The following ROBO2 variants were observed in gnomAD, a reference collection of about 807,000 sequenced individuals.
The protein encoded by ROBO2 is roundabout guidance receptor 2.
ROBO2 carries 53 observed loss-of-function variants against 160.8 expected under a neutral mutation model. That is an observed-to-expected ratio of 0.33 (90% CI 0.26 to 0.41). The LOEUF (loss-of-function observed/expected upper bound fraction) is 0.41, where lower values mean the gene tolerates loss of function less well. Among genes scored for constraint, ROBO2 ranks in the 10% least tolerant of loss-of-function variants. ROBO2 has a pLI of 1.00. For missense variants in ROBO2, 1,577 were observed against 1,722.4 expected, an observed-to-expected ratio of 0.92 and a Z score of 1.49; for synonymous variants, 664 against 611.7, an observed-to-expected ratio of 1.09 and a Z score of -1.26.
At chr3:77,347,576 T>C (rs2067805467) in intron 2 of ROBO2, among the ~76,000 whole-genome samples, 1 of 152,092 alleles carries the variant, frequency 6.6e-6, no homozygotes, top group South Asian at 2.1e-4. Context: ...TTAAGCCACG[T>C]CTAAAATTCA....
intron 2 of ROBO2, among the ~76,000 whole-genome samples, chr3:76,428,337 T>C (rs2108993373): frequency 6.6e-6 from 1 of 152,318 alleles, no homozygotes; most frequent in East Asian, 1.9e-4. Flanking sequence ...TGGATCATTA[T>C]ATTGTATATT....
chr3:77,469,381 A>T (rs1175176212), intron 2 of ROBO2, among the ~76,000 whole-genome samples: 2 of 151,648 alleles, frequency 1.3e-5, no homozygotes, highest in Admixed American at 1.3e-4. Context: ...CCAGGAAGAG[A>T]TAGGGTGCTT....
intron 2 of ROBO2, among the ~76,000 whole-genome samples, chr3:75,964,180 A>G (rs1448161486): frequency 1.3e-5 from 2 of 151,706 alleles, no homozygotes; most frequent in Non-Finnish European, 2.9e-5. Flanking sequence ...ATTTTAACGT[A>G]TAAGAGATGT....
chr3:76,909,092 C>A (rs963401752), intron 2 of ROBO2, among the ~76,000 whole-genome samples: 1 of 151,980 alleles, frequency 6.6e-6, no homozygotes, highest in East Asian at 1.9e-4. Flanking sequence ...GGCTTAGTGG[C>A]GCACACAGCC....
intron 2 of ROBO2, among the ~76,000 whole-genome samples, chr3:77,392,602 T>G (rs550405833): frequency 6.6e-6 from 1 of 152,348 alleles, no homozygotes; most frequent in South Asian, 2.1e-4. Flanking sequence ...TACACTTTTT[T>G]AATCACTTGC....
At chr3:76,163,059 T>G (rs1439383026) in intron 2 of ROBO2, among the ~76,000 whole-genome samples, 1 of 152,120 alleles carries the variant, frequency 6.6e-6, no homozygotes, top group Non-Finnish European at 1.5e-5. Flanking sequence ...AAATCTCCCA[T>G]TAGTCTAAAA....
At chr3:76,728,768 G>T (rs2093590033) in intron 2 of ROBO2, among the ~76,000 whole-genome samples, 2 of 152,222 alleles carry the variant, frequency 1.3e-5, no homozygotes, top group Non-Finnish European at 2.9e-5. Flanking sequence ...TAATTCGACA[G>T]TAAAATATGC....
At chr3:76,672,257 A>T (rs1249487953) in intron 2 of ROBO2, among the ~76,000 whole-genome samples, 1 of 152,026 alleles carries the variant, frequency 6.6e-6, no homozygotes, top group Non-Finnish European at 1.5e-5. Context: ...GGACAAAGGG[A>T]GGATTCTAGC....
chr3:77,442,533 T>G (rs2080058982), intron 2 of ROBO2, among the ~76,000 whole-genome samples: 1 of 152,204 alleles, frequency 6.6e-6, no homozygotes, highest in African/African-American at 2.4e-5. Context: ...ATACTATGAA[T>G]GTAAATGTCT....
intron 2 of ROBO2, among the ~76,000 whole-genome samples, chr3:76,242,206 T>G (rs781428323): frequency 2.0e-5 from 3 of 152,170 alleles, no homozygotes; most frequent in Non-Finnish European, 4.4e-5. Context: ...GCAGTTGTTG[T>G]GCGGCCCTGT....
At chr3:77,637,614 T>TA (rs2095286182) in intron 24 of ROBO2, among the ~76,000 whole-genome samples, 5 of 152,116 alleles carry the variant, frequency 3.3e-5, no homozygotes, top group Admixed American at 3.3e-4. Context: ...TCTTCGTAAA[T>TA]AAAAAAGGAC....
chr3:76,863,825 T>C (rs1258584653), intron 2 of ROBO2, among the ~76,000 whole-genome samples: 2 of 152,112 alleles, frequency 1.3e-5, no homozygotes, highest in African/African-American at 2.4e-5. Flanking sequence ...GCAATAACAA[T>C]GATAAACTTT....
At chr3:76,769,191 C>A (rs576743519) in intron 2 of ROBO2, among the ~76,000 whole-genome samples, 1 of 151,536 alleles carries the variant, frequency 6.6e-6, no homozygotes, top group South Asian at 2.1e-4. Context: ...ATAGTAAGAT[C>A]TGGCGACACT....
chr3:77,221,936 T>G (rs953602183), intron 2 of ROBO2, among the ~76,000 whole-genome samples: 2 of 146,614 alleles, frequency 1.4e-5, no homozygotes, highest in Admixed American at 1.4e-4. Flanking sequence ...CACTACAACC[T>G]CCGCCTCCCA....
rs1456424492 is a variant in ROBO2 at position 77,239,560 on chromosome 3, GA to G, written c.388+141221del. Among the ~76,000 whole-genome samples, 4 of 152,180 alleles carry G rather than the reference GA, an allele frequency of 2.6e-5. No homozygotes were observed. In the East Asian group the frequency reaches 7.7e-4, roughly 29 times the overall value. On this transcript the variant is annotated intron_variant, in intron 2 of 25. Transcript: ENST00000461745. ...GCAGCCTACTTTTATTCCCTTATCT[GA>G]CCCCACCCACATCTTGCTGACTGGC...
At chr3:76,409,214 T>TG (rs2075364929) in intron 2 of ROBO2, among the ~76,000 whole-genome samples, 1 of 152,030 alleles carries the variant, frequency 6.6e-6, no homozygotes, top group Non-Finnish European at 1.5e-5. Context: ...AGGGTAAAAT[T>TG]GTAGGTATCA....
At position 77,113,567 on chromosome 3, in the gene ROBO2, TA is replaced by T. The variant is rs571783996; in HGVS notation, c.388+15229del. Among the ~76,000 whole-genome samples, 596 of 152,320 alleles carry T rather than the reference TA, an allele frequency of 3.9e-3. 7 individuals carry two copies. Among genetic ancestry groups the T allele is most frequent in the Middle Eastern group, 0.014 (4 of 294 alleles). On this transcript the variant is annotated intron_variant, in intron 2 of 25. Transcript: ENST00000461745. ...TTACTAATGAAGTACCCAATGGCAA[TA>T]ACCCATTATATGCTAGAATCTCTCT...
intron 2 of ROBO2, among the ~76,000 whole-genome samples, chr3:77,210,767 T>C (rs1353310189): frequency 6.9e-6 from 1 of 143,966 alleles, no homozygotes; most frequent in African/African-American, 2.6e-5. Flanking sequence ...GGCCCCAGTG[T>C]GTGATGTTCC....
chr3:76,393,485 A>C (rs1249326391), intron 2 of ROBO2, among the ~76,000 whole-genome samples: 1 of 152,320 alleles, frequency 6.6e-6, no homozygotes, highest in Non-Finnish European at 1.5e-5. Context: ...GAAATTGATA[A>C]GACTTCTAAA....
Sources: gnomAD v4.1 joint callset for allele counts (sites outside exome capture counted in the v4.1 genomes callset) on GRCh38, gnomAD v4.1.1 for gene constraint, MANE v1.5 for transcripts, NCBI Gene and HGNC (gene_info 2026-07-23, HGNC 2026-07-21) for gene names.